The following CNTN6 variants were observed in gnomAD, a reference collection of about 807,000 sequenced individuals.
CNTN6 encodes contactin-6.
In CNTN6, 137 loss-of-function variants were observed where a neutral mutation model predicts 122.8. The ratio of observed to expected loss-of-function variants is 1.12; its 90% confidence interval spans 0.97 to 1.29. CNTN6 has a LOEUF of 1.29. CNTN6 is among the 50% of genes most tolerant of loss of function. The probability of loss-of-function intolerance (pLI) is 0.00; values close to 1 mark genes in which losing one functional copy is unlikely to be tolerated. For missense variants in CNTN6, 1,634 were observed against 1,223.4 expected, an observed-to-expected ratio of 1.34 and a Z score of -5.01; for synonymous variants, 570 against 426.0, an observed-to-expected ratio of 1.34 and a Z score of -4.16.
chr3:1,227,193 T>C (rs1409396543), intron 3 of CNTN6, among the ~76,000 whole-genome samples: 1 of 152,232 alleles, frequency 6.6e-6, no homozygotes, highest in Non-Finnish European at 1.5e-5. Flanking sequence ...GAATTTTTGC[T>C]TCTCAAAATA....
chr3:1,319,713 A>G (rs1700579478), intron 7 of CNTN6, among the ~76,000 whole-genome samples: 1 of 151,584 alleles, frequency 6.6e-6, no homozygotes, highest in South Asian at 2.1e-4. Context: ...TCATGAATTC[A>G]GACAAATATT....
intron 2 of CNTN6, among the ~76,000 whole-genome samples, chr3:1,202,152 A>G (rs907292296): frequency 2.0e-5 from 3 of 152,142 alleles, no homozygotes; most frequent in Non-Finnish European, 4.4e-5. Flanking sequence ...CTGTTTCCCT[A>G]TGGTGAAAAA....
chr3:1,330,009 G>A, intron 11 of CNTN6, 74 bp downstream of exon 11: 4 of 1,182,838 alleles, frequency 3.4e-6, no homozygotes, highest in African/African-American at 1.6e-5. Context: ...GTTTTAGTAG[G>A]CCTTTCAAAA....
intron 1 of CNTN6, among the ~76,000 whole-genome samples, chr3:1,143,976 G>T (rs2092669964): frequency 6.6e-6 from 1 of 152,158 alleles, no homozygotes; most frequent in Non-Finnish European, 1.5e-5. Context: ...TTACTCAGCT[G>T]GTTAAGAGAA....
chr3:1,254,859 C>A (rs113091187), intron 4 of CNTN6, among the ~76,000 whole-genome samples: 1 of 152,076 alleles, frequency 6.6e-6, no homozygotes, highest in East Asian at 1.9e-4. Context: ...GAAAAAAACC[C>A]ATGATGTCCA....
intron 2 of CNTN6, among the ~76,000 whole-genome samples, chr3:1,159,323 C>G (rs1344500150): frequency 6.6e-6 from 1 of 151,922 alleles, no homozygotes; most frequent in Non-Finnish European, 1.5e-5. Context: ...GTAGCATACA[C>G]AGCGGGGGTG....
At chr3:1,158,825 T>TATATATACACACAC (rs1399661956) in intron 2 of CNTN6, among the ~76,000 whole-genome samples, 1 of 83,904 alleles carries the variant, frequency 1.2e-5, no homozygotes, top group South Asian at 3.7e-4. Context: ...TACACACACA[T>TATATATACACACAC]ATATATACAC....
At chr3:1,202,398 G>C (rs1035101516) in intron 2 of CNTN6, among the ~76,000 whole-genome samples, 1 of 149,434 alleles carries the variant, frequency 6.7e-6, no homozygotes, top group Non-Finnish European at 1.5e-5. Context: ...AAATCAGCCG[G>C]GCGTGGTGGC....
intron 2 of CNTN6, among the ~76,000 whole-genome samples, chr3:1,202,299 G>T (rs1043699740): frequency 6.6e-6 from 1 of 152,202 alleles, no homozygotes; most frequent in African/African-American, 2.4e-5. Flanking sequence ...CCAGCACTTC[G>T]GAAGGCCGAG....
intron 4 of CNTN6, among the ~76,000 whole-genome samples, chr3:1,261,688 A>G (rs1291538931): frequency 6.6e-6 from 1 of 152,144 alleles, no homozygotes; most frequent in Non-Finnish European, 1.5e-5. Flanking sequence ...GAACAGATAT[A>G]TGGGATATGG....
At chr3:1,222,033 C>T (rs932077736) in intron 3 of CNTN6, among the ~76,000 whole-genome samples, 1 of 152,208 alleles carries the variant, frequency 6.6e-6, no homozygotes, top group Non-Finnish European at 1.5e-5. Context: ...AGCTAAATGA[C>T]TTCAAAGCTA....
chr3:1,212,979 A>G (rs1055170686), intron 2 of CNTN6, among the ~76,000 whole-genome samples: 6 of 152,204 alleles, frequency 3.9e-5, no homozygotes, highest in Non-Finnish European at 7.4e-5. Flanking sequence ...ATAATTCAAC[A>G]AGACCTAACT....
At chr3:1,197,028 G>C (rs2093787499) in intron 2 of CNTN6, among the ~76,000 whole-genome samples, 1 of 152,214 alleles carries the variant, frequency 6.6e-6, no homozygotes, top group South Asian at 2.1e-4. Context: ...TTGTGGATCT[G>C]TCAGCTTCTC....
chr3:1,393,881 T>C (rs979425065), intron 20 of CNTN6, among the ~76,000 whole-genome samples: 2 of 152,204 alleles, frequency 1.3e-5, no homozygotes, highest in African/African-American at 2.4e-5. Flanking sequence ...CTGTATGATA[T>C]ATACATATAT....
chr3:1,376,607 AGTTT>A (rs1480304930), intron 16 of CNTN6, among the ~76,000 whole-genome samples: 13 of 151,654 alleles, frequency 8.6e-5, no homozygotes, highest in Non-Finnish European at 1.3e-4. Flanking sequence ...AAATTAGTTT[AGTTT>A]GTTTATTGAA....
intron 1 of CNTN6, among the ~76,000 whole-genome samples, chr3:1,094,763 G>GTT (rs74310069): frequency 5.4e-5 from 8 of 147,952 alleles, no homozygotes; most frequent in African/African-American, 2.0e-4. Context: ...ATACTTCTGG[G>GTT]TTTTTTTTTT....
chr3:1,396,751 AG>A (rs2126247930), intron 20 of CNTN6, among the ~76,000 whole-genome samples: 1 of 152,284 alleles, frequency 6.6e-6, no homozygotes, highest in South Asian at 2.1e-4. Flanking sequence ...CTTTTCTTTA[AG>A]GGTCGTAGAA....
chr3:1,254,377 T>G (rs2094719308), intron 4 of CNTN6, among the ~76,000 whole-genome samples: 1 of 152,238 alleles, frequency 6.6e-6, no homozygotes, highest in Non-Finnish European at 1.5e-5. Flanking sequence ...ACGTGTTTAC[T>G]TATTTTAAAT....
rs558080937 is a variant in CNTN6 at position 1,181,012 on chromosome 3, T to C, written c.55+32949T>C. On this transcript the variant is annotated intron_variant, in intron 2 of 22. Transcript: ENST00000446702. ...TCCTTGGCCTTGGTTTCTTACTTTA[T>C]TTTATTATGACTGCTTACACTGTTG... Among the ~76,000 whole-genome samples the C allele has an allele frequency of 4.6e-5, 7 of 152,314 alleles. No homozygotes were observed. In the South Asian group the frequency reaches 1.2e-3, roughly 27 times the overall value.
Sources: allele counts gnomAD v4.1 joint callset (sites outside exome capture counted in the v4.1 genomes callset), GRCh38; gene constraint gnomAD v4.1.1; transcripts MANE v1.5; gene names NCBI Gene and HGNC (gene_info 2026-07-23, HGNC 2026-07-21).